ERAP1: variants seen among roughly 807,000 people sequenced by gnomAD.
ERAP1 encodes endoplasmic reticulum aminopeptidase 1.
In ERAP1, 86 loss-of-function variants were observed where a neutral mutation model predicts 103.7. That is an observed-to-expected ratio of 0.83 (90% confidence interval 0.70 to 0.99). The LOEUF (loss-of-function observed/expected upper bound fraction) is 0.99. Ranked by LOEUF, ERAP1 falls within the 50% of genes least tolerant of loss-of-function variation. ERAP1 has a pLI of 0.00. For missense variants in ERAP1, 1,009 were observed against 1,128.4 expected (o/e 0.89, Z 1.52); for synonymous variants, 398 against 402.4 (o/e 0.99, Z 0.13).
the ERAP1 span, among the ~76,000 whole-genome samples, chr5:96,906,498 G>A: frequency 6.6e-6 from 1 of 152,132 alleles, no homozygotes; most frequent in Non-Finnish European, 1.5e-5. Flanking sequence ...AAACTTCTGG[G>A]CTCAAGCAAT....
At position 96,803,466 on chromosome 5, in the gene ERAP1, T is replaced by C. The variant is rs201670295; in HGVS notation, c.461A>G (p.Asn154Ser). 5.0e-6 allele frequency: 8 copies of C among 1,613,098 alleles called. No homozygotes were observed. The highest frequency in any genetic ancestry group is 1.1e-5 in the South Asian group (1 of 90,804). ...AAATCCGTGGAAAGTCTCCGAAAGATTGCCAGCATAGTGAATGACAACTGT... is the reference window on the plus strand; with the variant it reads ...AAATCCGTGGAAAGTCTCCGAAAGACTGCCAGCATAGTGAATGACAACTGT... ...PYTVVIHYAGNLSETFHGFYK... is the reference protein window; with the variant it reads ...PYTVVIHYAGSLSETFHGFYK... The change falls in exon 2 of 19, where the codon AAT becomes AGT. Residue 154 changes from asparagine to serine, a missense_variant. This residue lies in a region of ERAP1 where 392 missense variants were observed against 455.2 expected (regional missense o/e 0.86). Transcript: ENST00000443439.
the ERAP1 span, among the ~76,000 whole-genome samples, chr5:96,921,581 A>C: frequency 0.021 from 3,179 of 152,324 alleles, 45 homozygotes; most frequent in Middle Eastern, 0.058. Flanking sequence ...TCGTTTCTAC[A>C]ATCTTTCCTT....
the ERAP1 span, chr5:96,896,541 C>A: frequency 6.4e-7 from 1 of 1,558,014 alleles, no homozygotes; most frequent in Non-Finnish European, 8.6e-7. Context: ...GCTCTGCTTT[C>A]AGAAGTGTAA....
At chr5:96,879,163 G>T in the ERAP1 span, among the ~76,000 whole-genome samples, 4 of 152,162 alleles carry the variant, frequency 2.6e-5, no homozygotes, top group African/African-American at 9.7e-5. Flanking sequence ...AGGCTGCAGT[G>T]AGCTGTGATC....
chr5:96,879,701 G>A, the ERAP1 span: 23 of 1,613,542 alleles, frequency 1.4e-5, no homozygotes, highest in African/African-American at 2.8e-4. Flanking sequence ...CCATTCTTCT[G>A]CAATGGTTAA....
At chr5:96,785,726 A>C in intron 13 of ERAP1, 62 bp downstream of exon 13, 1 of 1,561,404 alleles carries the variant, frequency 6.4e-7, no homozygotes, top group South Asian at 1.1e-5. Flanking sequence ...TTAGAAATCA[A>C]GAATTTGAAC....
At chr5:96,926,978 G>A in the ERAP1 span, among the ~76,000 whole-genome samples, 1 of 152,064 alleles carries the variant, frequency 6.6e-6, no homozygotes, top group Non-Finnish European at 1.5e-5. Flanking sequence ...CACCATGCCT[G>A]GCTAATTTTT....
At chr5:96,902,617 T>C in the ERAP1 span, 1 of 299,480 alleles carries the variant, frequency 3.3e-6, no homozygotes, top group Non-Finnish European at 6.3e-6. Flanking sequence ...TTATGTCTTA[T>C]AATACCCACT....
chr5:96,908,314 T>C, the ERAP1 span, among the ~76,000 whole-genome samples: 1 of 152,208 alleles, frequency 6.6e-6, no homozygotes, highest in African/African-American at 2.4e-5. Flanking sequence ...TCGTTTCCTC[T>C]ACAGAAGATG....
chr5:96,763,028 C>A, exon 20 of ERAP1: 1 of 710,248 alleles, frequency 1.4e-6, no homozygotes, highest in South Asian at 1.5e-5. Context: ...CACAGCACAT[C>A]AAATTATAAA....
At chr5:96,903,539 A>G in the ERAP1 span, 1 of 1,605,250 alleles carries the variant, frequency 6.2e-7, no homozygotes, top group Admixed American at 1.7e-5. Context: ...GGTCTGATTC[A>G]TGATGTGTTT....
Position 96,800,927 on chromosome 5 carries a change from T to C in ERAP1, c.598A>G (p.Lys200Glu). The change falls in exon 3 of 19, where the codon AAA (lysine) becomes GAA (glutamate). Residue 200 changes from lysine (K) to glutamate (E), a missense_variant. Physicochemically the swap from Lys to Glu is moderately conservative, Grantham distance 56. Transcript: ENST00000443439. ...AFPCFDEPAFKASFSIKIRRE... is the reference protein window; with the variant it reads ...AFPCFDEPAFEASFSIKIRRE... ...CTAATTTTGATTGAGAAACTTGCTT[T>C]GAAGGCAGGTTCATCAAAGCAGGGA... 4 of 1,614,168 alleles carry C rather than the reference T, an allele frequency of 2.5e-6. No homozygotes were observed. Among genetic ancestry groups the C allele is most frequent in the Non-Finnish European group, 3.4e-6 (4 of 1,180,038 alleles).
the ERAP1 span, among the ~76,000 whole-genome samples, chr5:96,912,218 A>G: frequency 5.5e-4 from 84 of 151,656 alleles, no homozygotes; most frequent in Non-Finnish European, 9.4e-4. Flanking sequence ...AAGAAAAGAA[A>G]AAAATGCCTT....
At chr5:96,892,008 T>C in the ERAP1 span, among the ~76,000 whole-genome samples, 1 of 152,190 alleles carries the variant, frequency 6.6e-6, no homozygotes, top group Admixed American at 6.5e-5. Flanking sequence ...TTCTTGGCAG[T>C]AAGGCACCCA....
In ERAP1 at chr5:96,775,617, G is replaced by A. The variant is rs1319215567; in HGVS notation, c.*779C>T. On this transcript the variant is annotated 3_prime_UTR_variant, in exon 19 of 19. Transcript: ENST00000443439. Reference sequence around the variant, plus strand: ...CACATTATGTAGAAACCACAAGTCCGCCAGGACTAGTAAAAGCCAGACTCC... The same window carrying A: ...CACATTATGTAGAAACCACAAGTCCACCAGGACTAGTAAAAGCCAGACTCC... 1.3e-5 allele frequency: 7 copies of A among 529,666 alleles called. No individual in the cohort carries two copies. Among genetic ancestry groups the A allele is most frequent in the Non-Finnish European group, 1.7e-5 (7 of 413,932 alleles). 32.8% of individuals were successfully genotyped at this position (529,666 alleles called of 1,614,324 possible). A position where few individuals can be genotyped will look rare whatever the true frequency, so the allele number is the denominator to read the frequency against.
chr5:96,902,874 C>T, the ERAP1 span: 99,546 of 153,754 alleles, frequency 0.65, 32,570 homozygotes, highest in South Asian at 0.74. Flanking sequence ...ATATATGCCA[C>T]ATTAAAAATA....
At chr5:96,831,536 T>C in the ERAP1 span, among the ~76,000 whole-genome samples, 1 of 152,190 alleles carries the variant, frequency 6.6e-6, no homozygotes, top group African/African-American at 2.4e-5. Flanking sequence ...CACGTTCCTT[T>C]AATTAATTAT....
the ERAP1 span, among the ~76,000 whole-genome samples, chr5:96,827,088 G>A: frequency 6.6e-6 from 1 of 152,156 alleles, no homozygotes; most frequent in Non-Finnish European, 1.5e-5. Context: ...ACTGCATCAA[G>A]AATTTTTTGG....
the ERAP1 span, among the ~76,000 whole-genome samples, chr5:96,844,240 C>A: frequency 6.6e-6 from 1 of 152,002 alleles, no homozygotes; most frequent in Non-Finnish European, 1.5e-5. Context: ...TTGGTTCTCC[C>A]CAGTTGCTAT....
Sources: allele counts gnomAD v4.1 joint callset (sites outside exome capture counted in the v4.1 genomes callset), GRCh38; gene constraint gnomAD v4.1.1; regional missense constraint gnomAD v4.1.1; transcripts MANE v1.5; gene names NCBI Gene and HGNC (gene_info 2026-07-23, HGNC 2026-07-21).